The following NPEPPS variants were observed in gnomAD, a reference collection of about 807,000 sequenced individuals.
NPEPPS encodes aminopeptidase puromycin sensitive, also known as puromycin-sensitive aminopeptidase.
A neutral mutation model predicts 115.5 loss-of-function variants in NPEPPS; 14 were observed. The ratio of observed to expected loss-of-function variants is 0.12; its 90% confidence interval spans 0.08 to 0.19. The LOEUF (loss-of-function observed/expected upper bound fraction) is 0.19, where lower values mean the gene tolerates loss of function less well. Among genes scored for constraint, NPEPPS ranks in the 10% least tolerant of loss-of-function variants. NPEPPS has a pLI of 1.00. For synonymous variants in NPEPPS, 285 were observed against 390.6 expected, an observed-to-expected ratio of 0.73 and a Z score of 3.19; for missense variants, 523 against 1,110.8, an observed-to-expected ratio of 0.47 and a Z score of 7.52.
chr17:47,588,572 A>G (rs1389661540), intron 9 of NPEPPS, among the ~76,000 whole-genome samples: 1 of 152,166 alleles, frequency 6.6e-6, no homozygotes, highest in Admixed American at 6.5e-5. Flanking sequence ...CTCAAAAAAA[A>G]AAAAAGAAAT....
At chr17:47,550,472 G>A (rs2143732080) in intron 2 of NPEPPS, among the ~76,000 whole-genome samples, 1 of 149,276 alleles carries the variant, frequency 6.7e-6, no homozygotes, top group East Asian at 2.0e-4. Context: ...TCCTTAATAG[G>A]CTTTTATTAA....
intron 2 of NPEPPS, among the ~76,000 whole-genome samples, chr17:47,547,663 T>C (rs1165191178): frequency 6.6e-6 from 1 of 152,092 alleles, no homozygotes; most frequent in African/African-American, 2.4e-5. Flanking sequence ...TGGTTGCCTT[T>C]TTACTTTTGA....
intron 8 of NPEPPS, 114 bp downstream of exon 8, chr17:47,586,512 C>T: frequency 2.6e-6 from 2 of 771,440 alleles, no homozygotes; most frequent in Non-Finnish European, 2.1e-6. Flanking sequence ...GTAAATTTTT[C>T]TACCTTCCCC....
At chr17:47,600,167 T>C (rs181276388) in intron 14 of NPEPPS, among the ~76,000 whole-genome samples, 51 of 152,276 alleles carry the variant, frequency 3.3e-4, no homozygotes, top group African/African-American at 1.2e-3. Flanking sequence ...GGCACAGTGG[T>C]TCACGCCTGT....
chr17:47,523,433 T>G (rs1343411566), intron 1 of NPEPPS, among the ~76,000 whole-genome samples: 1 of 152,012 alleles, frequency 6.6e-6, no homozygotes, highest in African/African-American at 2.4e-5. Context: ...TTTTTGTTTT[T>G]TTTTTGAGAC....
At chr17:47,599,577 G>A in intron 13 of NPEPPS, 99 bp from the exon 14 acceptor site, 2 of 868,668 alleles carry the variant, frequency 2.3e-6, no homozygotes, top group South Asian at 1.5e-5. Context: ...GCTCGTTCCA[G>A]CATTTGTCAC....
At chr17:47,536,127 G>T (rs928756145) in intron 1 of NPEPPS, among the ~76,000 whole-genome samples, 9 of 152,056 alleles carry the variant, frequency 5.9e-5, no homozygotes, top group Non-Finnish European at 1.3e-4. Flanking sequence ...GAGCCACCGT[G>T]CCCAGCTGGG....
Position 47,605,426 on chromosome 17 carries a change from T to A in NPEPPS, c.1969T>A (p.Cys657Ser), listed in dbSNP as rs746468578. Residue 657 changes from cysteine (C) to serine (S), a missense_variant, in exon 17 of 23, where the codon TGT becomes AGT. Physicochemically the swap from Cys to Ser is moderately radical, Grantham distance 112 (BLOSUM62 -1). Around this residue, in one of 4 missense-constraint regions of NPEPPS, gnomAD observed 372 missense variants for 542.6 expected, o/e 0.69. Transcript: ENST00000322157. Reference protein sequence around the residue: ...PNYTVWSDLSCNLGILSTLLS... With the variant: ...PNYTVWSDLSSNLGILSTLLS... ...TTATACTGTATGGAGCGACCTGAGC[T>A]GTAACCTGGGGATTCTCTCAACTCT... is the stretch of plus-strand genomic sequence containing the variant. 4 of 1,610,732 alleles carry A rather than the reference T, an allele frequency of 2.5e-6. No individual in the cohort carries two copies. The highest frequency in any genetic ancestry group is 3.4e-6 in the Non-Finnish European group (4 of 1,178,450).
In NPEPPS at chr17:47,621,891, C is replaced by T; in HGVS notation, c.2731C>T (p.Gln911Ter). 1 of 1,613,280 alleles carries T rather than the reference C, an allele frequency of 6.2e-7. No individual in the cohort carries two copies. Among genetic ancestry groups the T allele is most frequent in the Non-Finnish European group, 8.5e-7 (1 of 1,179,574 alleles). The change falls in exon 23 of 23, where the codon CAG becomes TAG. Residue 911 changes from glutamine (Q) to a stop codon, truncating the protein, a stop_gained. Coordinates refer to ENST00000322157, the MANE Select transcript of NPEPPS (RefSeq NM_006310.4). LOFTEE classifies it high-confidence loss of function. ...TGAGAGCATCCACCAGTACCTCCTT[C>T]AGCGGAAGGCCTCACCACCCACAGT... ...DAESIHQYLLQRKASPPTV is the reference protein window; with the variant it reads ...DAESIHQYLL
intron 3 of NPEPPS, among the ~76,000 whole-genome samples, chr17:47,571,530 A>G (rs1036382853): frequency 1.2e-4 from 18 of 152,148 alleles, no homozygotes; most frequent in African/African-American, 4.3e-4. Flanking sequence ...CATCCTGACT[A>G]ACACGGTGAA....
At chr17:47,532,658 CAAAAAAAAAAA>C (rs898672269) in intron 1 of NPEPPS, among the ~76,000 whole-genome samples, 1 of 51,432 alleles carries the variant, frequency 1.9e-5, no homozygotes, top group Non-Finnish European at 3.8e-5. Context: ...GACTCCGTCT[CAAAAAAAAAAA>C]AAAAAAAAAA....
chr17:47,548,409 G>A (rs1335633326), intron 2 of NPEPPS: 4 of 151,872 alleles, frequency 2.6e-5, no homozygotes, highest in African/African-American at 9.7e-5. Context: ...AAAGCAACAA[G>A]GCTTTCTTTG....
chr17:47,617,009 A>T (rs1914250593), intron 19 of NPEPPS, among the ~76,000 whole-genome samples: 1 of 152,130 alleles, frequency 6.6e-6, no homozygotes, highest in Non-Finnish European at 1.5e-5. Flanking sequence ...ATACATTTAT[A>T]GTTCTAATTT....
In NPEPPS at chr17:47,621,914, A is replaced by G. The variant is rs1914596106; in HGVS notation, c.2754A>G (p.Thr918=). 1.2e-6 allele frequency: 2 copies of G among 1,611,476 alleles called. No homozygotes were observed. Among genetic ancestry groups the G allele is most frequent in the Non-Finnish European group, 1.7e-6 (2 of 1,178,770 alleles). Residue 918 remains threonine, a synonymous_variant, in exon 23 of 23, where the codon ACA becomes ACG. Coordinates refer to ENST00000322157, the MANE Select transcript of NPEPPS (RefSeq NM_006310.4). ...YLLQRKASPP[T]V Reference sequence around the variant, plus strand: ...TTCAGCGGAAGGCCTCACCACCCACAGTGTGAATCCTGAGGTGCCGCCATT... The same window carrying G: ...TTCAGCGGAAGGCCTCACCACCCACGGTGTGAATCCTGAGGTGCCGCCATT...
At chr17:47,552,117 C>T (rs1361893020) in intron 2 of NPEPPS, among the ~76,000 whole-genome samples, 1 of 149,164 alleles carries the variant, frequency 6.7e-6, no homozygotes, top group African/African-American at 2.5e-5. Flanking sequence ...CAGGCATGTG[C>T]CACCACACCT....
rs550350628 is a variant in NPEPPS at position 47,594,725 on chromosome 17, C to T, written c.1427-1628C>T. Among the ~76,000 whole-genome samples the T allele has an allele frequency of 4.1e-3, 624 of 151,074 alleles. 15 individuals are homozygous for T. Among genetic ancestry groups the T allele is most frequent in the Admixed American group, 0.027 (411 of 15,140 alleles). On this transcript the variant is annotated intron_variant, in intron 12 of 22. Transcript: ENST00000322157. ...TCGGCTCACTGCAAGCTCCACCTCCCGGGTTCAGGCCATTCTCCTGCCTCA... is the reference window on the plus strand; with the variant it reads ...TCGGCTCACTGCAAGCTCCACCTCCTGGGTTCAGGCCATTCTCCTGCCTCA...
At chr17:47,550,584 T>C (rs537099795) in intron 2 of NPEPPS, among the ~76,000 whole-genome samples, 10 of 148,070 alleles carry the variant, frequency 6.8e-5, no homozygotes, top group Non-Finnish European at 1.3e-4. Context: ...TCTTTAGATA[T>C]AGTAACAGTT....
At chr17:47,545,872 C>A (rs1430938158) in intron 1 of NPEPPS, 37 bp from the exon 2 acceptor site, 210 of 1,468,970 alleles carry the variant, frequency 1.4e-4, no homozygotes, top group Non-Finnish European at 1.9e-4. Flanking sequence ...TTAATCTAGG[C>A]TATTTCTGAC....
chr17:47,573,617 G>A (rs1314098823), intron 3 of NPEPPS, among the ~76,000 whole-genome samples: 1 of 152,228 alleles, frequency 6.6e-6, no homozygotes, highest in East Asian at 1.9e-4. Context: ...AACACTTTGG[G>A]AGGCTGAGGT....
Sources: allele counts gnomAD v4.1 joint callset (sites outside exome capture counted in the v4.1 genomes callset), GRCh38; gene constraint gnomAD v4.1.1; regional missense constraint gnomAD v4.1.1; transcripts MANE v1.5; gene names NCBI Gene and HGNC (gene_info 2026-07-23, HGNC 2026-07-21).